The following SCAPER variants were observed in gnomAD, a reference collection of about 807,000 sequenced individuals.
SCAPER encodes S phase cyclin A-associated protein in the endoplasmic reticulum.
SCAPER carries 98 observed loss-of-function variants against 182.2 expected under a neutral mutation model. The ratio of observed to expected loss-of-function variants is 0.54; its 90% confidence interval spans 0.46 to 0.64. SCAPER has a LOEUF of 0.64. SCAPER is among the 30% of genes least tolerant of loss of function. The pLI is 0.00. For missense variants in SCAPER, 1,432 were observed against 1,690.0 expected, an observed-to-expected ratio of 0.85 and a Z score of 2.68; for synonymous variants, 605 against 564.6, an observed-to-expected ratio of 1.07 and a Z score of -1.01.
intron 10 of SCAPER, among the ~76,000 whole-genome samples, chr15:76,768,141 G>C (rs1017227615): frequency 6.6e-6 from 1 of 152,098 alleles, no homozygotes; most frequent in African/African-American, 2.4e-5. Flanking sequence ...AAAGCAGTCT[G>C]ACAGTTGCTC....
intron 20 of SCAPER, among the ~76,000 whole-genome samples, chr15:76,668,959 A>G (rs2056819341): frequency 6.6e-6 from 1 of 152,204 alleles, no homozygotes; most frequent in African/African-American, 2.4e-5. Flanking sequence ...CTTAGAAGGT[A>G]TATATTTTTA....
chr15:76,461,925 A>C (rs898915966), intron 25 of SCAPER, among the ~76,000 whole-genome samples: 8 of 152,224 alleles, frequency 5.3e-5, no homozygotes, highest in Admixed American at 2.6e-4. Context: ...AGTGAATAGC[A>C]GCTCAAATCC....
rs1048518366 is a variant in SCAPER, at chr15:76,740,376, A to C, written c.1867-6992T>G. ...ACAGGAAATGTTTAAAGATTAAGAG[A>C]GCTTACATTACTTCATAAAAAATTG... is the stretch of plus-strand genomic sequence containing the variant. On this transcript the variant is annotated intron_variant, in intron 15 of 31. Coordinates refer to ENST00000563290, the MANE Select transcript of SCAPER (RefSeq NM_020843.4). 2.6e-5 allele frequency among the ~76,000 whole-genome samples: 4 copies of C among 152,334 alleles called. No homozygotes were observed. The East Asian group carries it at 7.7e-4, about 29-fold the overall frequency.
chr15:76,368,377 T>C (rs1158635374), intron 29 of SCAPER, among the ~76,000 whole-genome samples: 1 of 152,248 alleles, frequency 6.6e-6, no homozygotes, highest in African/African-American at 2.4e-5. Flanking sequence ...ACTCCTTATT[T>C]CTGTGCGTGG....
At chr15:76,762,457 C>T (rs2062851966) in intron 14 of SCAPER, among the ~76,000 whole-genome samples, 1 of 150,078 alleles carries the variant, frequency 6.7e-6, no homozygotes, top group South Asian at 2.1e-4. Context: ...CAACTGTCTA[C>T]TTTAATTTGA....
chr15:76,745,578 A>C (rs2061753516), intron 15 of SCAPER, among the ~76,000 whole-genome samples: 1 of 152,244 alleles, frequency 6.6e-6, no homozygotes, highest in Non-Finnish European at 1.5e-5. Context: ...AAAAGTTGGA[A>C]TTTTAAGAAA....
chr15:76,681,512 T>C (rs945180907), intron 20 of SCAPER, among the ~76,000 whole-genome samples: 4 of 152,010 alleles, frequency 2.6e-5, no homozygotes, highest in African/African-American at 4.8e-5. Flanking sequence ...GATTGGGACA[T>C]GGAGGTGACT....
intron 23 of SCAPER, among the ~76,000 whole-genome samples, chr15:76,528,346 C>G (rs963972838): frequency 6.6e-6 from 1 of 152,114 alleles, no homozygotes; most frequent in African/African-American, 2.4e-5. Context: ...AAGCCTGTAT[C>G]TCGAGTCTAG....
chr15:76,834,138 T>C (rs556647031), intron 5 of SCAPER, among the ~76,000 whole-genome samples: 1 of 152,024 alleles, frequency 6.6e-6, no homozygotes, highest in East Asian at 1.9e-4. Flanking sequence ...CAAAGTGAAA[T>C]ATACAAACTA....
intron 5 of SCAPER, among the ~76,000 whole-genome samples, chr15:76,834,756 G>A (rs111808707): frequency 6.6e-6 from 1 of 152,092 alleles, no homozygotes; most frequent in African/African-American, 2.4e-5. Flanking sequence ...AAAACCCTCA[G>A]AGACTATTAG....
chr15:76,525,629 C>A (rs1270037706), intron 23 of SCAPER, among the ~76,000 whole-genome samples: 1 of 152,138 alleles, frequency 6.6e-6, no homozygotes, highest in East Asian at 1.9e-4. Context: ...ATTTGGTTTT[C>A]TGTTCCTGCA....
At chr15:76,598,881 T>C (rs2049704404) in intron 22 of SCAPER, among the ~76,000 whole-genome samples, 1 of 117,810 alleles carries the variant, frequency 8.5e-6, no homozygotes, top group Non-Finnish European at 2.1e-5. Flanking sequence ...GCATGGCACA[T>C]GTATACCTAC....
At position 76,535,390 on chromosome 15, in the gene SCAPER, C is replaced by T. The variant is rs183709333; in HGVS notation, c.2839-30416G>A. Reference sequence around the variant, plus strand: ...AACAAAAATTAGCCAGGCGTGGTGGCGGGCACCTGTAGTCCCAGCTACTCA... The same window carrying T: ...AACAAAAATTAGCCAGGCGTGGTGGTGGGCACCTGTAGTCCCAGCTACTCA... On this transcript the variant is annotated intron_variant, in intron 23 of 31. Coordinates refer to ENST00000563290, the MANE Select transcript of SCAPER (RefSeq NM_020843.4). Among the ~76,000 whole-genome samples, 744 of 151,624 alleles carry T rather than the reference C, an allele frequency of 4.9e-3. 6 individuals carry two copies. The highest frequency in any genetic ancestry group is 0.016 in the African/African-American group (652 of 41,376).
intron 4 of SCAPER, among the ~76,000 whole-genome samples, chr15:76,847,440 A>C (rs1390931225): frequency 6.6e-6 from 1 of 152,180 alleles, no homozygotes; most frequent in Non-Finnish European, 1.5e-5. Context: ...TATACAATAT[A>C]ATTTAATTGT....
chr15:76,535,593 A>G (rs1194818641), intron 23 of SCAPER, among the ~76,000 whole-genome samples: 2 of 151,520 alleles, frequency 1.3e-5, no homozygotes, highest in East Asian at 3.9e-4. Context: ...TGCAAATGTG[A>G]AGTATCACAT....
intron 20 of SCAPER, among the ~76,000 whole-genome samples, chr15:76,692,808 T>C (rs2058449222): frequency 7.5e-6 from 1 of 133,146 alleles, no homozygotes. Flanking sequence ...AAAAAAAAAG[T>C]CAAATAATGG....
At chr15:76,632,228 C>T (rs768636255) in intron 21 of SCAPER, among the ~76,000 whole-genome samples, 2 of 152,118 alleles carry the variant, frequency 1.3e-5, no homozygotes, top group South Asian at 2.1e-4. Flanking sequence ...CTCACTCTGT[C>T]GCCCAGGCTG....
intron 25 of SCAPER, among the ~76,000 whole-genome samples, chr15:76,454,980 A>C (rs1486936846): frequency 6.6e-6 from 1 of 152,168 alleles, no homozygotes; most frequent in Non-Finnish European, 1.5e-5. Flanking sequence ...AAAGCTTTCA[A>C]ATGCACTGGT....
intron 14 of SCAPER, among the ~76,000 whole-genome samples, chr15:76,761,817 G>A (rs1478452648): frequency 6.6e-6 from 1 of 152,122 alleles, no homozygotes; most frequent in East Asian, 1.9e-4. Flanking sequence ...GTATACTGTT[G>A]TAATTCAGCT....
Sources: gnomAD v4.1 joint callset for allele counts (sites outside exome capture counted in the v4.1 genomes callset) on GRCh38, gnomAD v4.1.1 for gene constraint, MANE v1.5 for transcripts, NCBI Gene and HGNC (gene_info 2026-07-23, HGNC 2026-07-21) for gene names.